KPNB1: variants seen among roughly 807,000 people sequenced by gnomAD.
KPNB1 encodes karyopherin subunit beta 1.
A neutral mutation model predicts 113.0 loss-of-function variants in KPNB1; 7 were observed. That is an observed-to-expected ratio of 0.06 (90% CI 0.04 to 0.12). KPNB1 has a LOEUF of 0.12. KPNB1 is among the 10% of genes least tolerant of loss of function. The pLI is 1.00. For synonymous variants in KPNB1, 363 were observed against 378.6 expected (o/e 0.96, Z 0.48); for missense variants, 400 against 1,054.8 (o/e 0.38, Z 8.60).
intron 17 of KPNB1, 149 bp from the exon 18 acceptor site, chr17:47,677,897 G>A: frequency 1.4e-6 from 1 of 715,088 alleles, no homozygotes; most frequent in Non-Finnish European, 2.3e-6. Flanking sequence ...TAGAGTTGGT[G>A]TGAGGTGCAA....
chr17:47,651,020 C>T lies in KPNB1; in HGVS notation c.99+576C>T, dbSNP rs538496292. ...TTTCCCTCTTTGCTCGGTTATTCCT[C>T]TCTTGGGGTTTTTTCTTTTTCTTTC... is the stretch of plus-strand genomic sequence containing the variant. On this transcript the variant is annotated intron_variant, in intron 2 of 21. Coordinates refer to ENST00000290158, the MANE Select transcript of KPNB1 (RefSeq NM_002265.6). Among the ~76,000 whole-genome samples the T allele has an allele frequency of 1.6e-4, 25 of 151,862 alleles. 1 individual carries two copies. In the South Asian group the frequency reaches 4.8e-3, roughly 29 times the overall value.
rs1442964872 is a variant in KPNB1 at position 47,652,694 on chromosome 17, C to T, written c.100C>T (p.Pro34Ser). The change falls in exon 3 of 22, where the codon CCC (proline) becomes TCC (serine). Residue 34 changes from proline to serine, a missense_variant and splice_region_variant. Pro to Ser is a moderately conservative substitution (Grantham distance 74, BLOSUM62 -1). Transcript: ENST00000290158. Reference protein sequence around the residue: ...FLERAAVENLPTFLVELSRVL... With the variant: ...FLERAAVENLSTFLVELSRVL... ...TTACAAATTTATCTTCCCTTAACAG[C>T]CCACTTTCCTTGTGGAACTGTCCAG... The T allele has an allele frequency of 6.4e-7, 1 of 1,565,278 alleles. No homozygotes were observed. Among genetic ancestry groups the T allele is most frequent in the Non-Finnish European group, 8.6e-7 (1 of 1,162,686 alleles).
At chr17:47,674,032 C>T (rs2030526015) in intron 14 of KPNB1, among the ~76,000 whole-genome samples, 1 of 152,118 alleles carries the variant, frequency 6.6e-6, no homozygotes, top group African/African-American at 2.4e-5. Flanking sequence ...AAGCCTAGCT[C>T]AGTCAGATTT....
Position 47,664,153 on chromosome 17 carries a change from C to G in KPNB1, c.787-6C>G, listed in dbSNP as rs777994762. On this transcript the variant is annotated splice_region_variant and splice_polypyrimidine_tract_variant and intron_variant, in intron 7 of 21. Transcript: ENST00000290158. ...ATTTGGGGCCTGGGGTGTTTTTCTT[C>G]TTAAGATCACAATCGAAGCAATGAA... 34 of 1,603,578 alleles carry G rather than the reference C, an allele frequency of 2.1e-5. 1 individual carries two copies. The South Asian group carries it at 3.4e-4, about 16-fold the overall frequency.
chr17:47,673,224 A>G lies in KPNB1; in HGVS notation c.1695+59A>G, dbSNP rs544244418. 406 of 1,514,702 alleles carry G rather than the reference A, an allele frequency of 2.7e-4. 2 individuals carry two copies. The African/African-American group carries it at 3.8e-3, about 14-fold the overall frequency. The allele number at this position is 1,514,702 out of a possible 1,614,324, so 93.8% of individuals were successfully genotyped here. On this transcript the variant is annotated intron_variant, in intron 13 of 21. Transcript: ENST00000290158. ...GAATTGGGTAGTACTTTTGACACCTAGGTCTGTTTTCCAGACTGTTCTGTC... is the reference window on the plus strand; with the variant it reads ...GAATTGGGTAGTACTTTTGACACCTGGGTCTGTTTTCCAGACTGTTCTGTC...
chr17:47,655,187 A>G (rs752968391), intron 3 of KPNB1, among the ~76,000 whole-genome samples: 5 of 152,204 alleles, frequency 3.3e-5, no homozygotes, highest in Non-Finnish European at 7.3e-5. Flanking sequence ...TGAGTGGACT[A>G]CTGATTCTTA....
chr17:47,666,482 A>G (rs1170926691), intron 9 of KPNB1, among the ~76,000 whole-genome samples: 1 of 144,498 alleles, frequency 6.9e-6, no homozygotes, highest in Non-Finnish European at 1.5e-5. Context: ...ATAATGTTAT[A>G]TATTATATAT....
chr17:47,677,345 G>A (rs1012465971), intron 17 of KPNB1, among the ~76,000 whole-genome samples: 15 of 151,838 alleles, frequency 9.9e-5, no homozygotes, highest in Admixed American at 7.9e-4. Context: ...GATGGCAGGC[G>A]CTTGTAATCC....
chr17:47,668,220 G>A lies in KPNB1; in HGVS notation c.1034G>A (p.Cys345Tyr). Residue 345 changes from cysteine (C) to tyrosine (Y), a missense_variant, in exon 10 of 22, where the codon TGC becomes TAC. Coordinates refer to ENST00000290158, the MANE Select transcript of KPNB1 (RefSeq NM_002265.6). ...ENDDDDDWNP[C>Y]KAAGVCLMLL... Reference sequence around the variant, plus strand: ...GATGATGACGATGACTGGAACCCCTGCAAAGCAGCAGGGGTGTGCCTCATG... The same window carrying A: ...GATGATGACGATGACTGGAACCCCTACAAAGCAGCAGGGGTGTGCCTCATG... 6.2e-7 allele frequency: 1 copy of A among 1,614,174 alleles called. No homozygotes were observed. The highest frequency in any genetic ancestry group is 8.5e-7 in the Non-Finnish European group (1 of 1,180,008).
At chr17:47,669,089 TTC>T (rs1337386337) in intron 10 of KPNB1, among the ~76,000 whole-genome samples, 2 of 126,766 alleles carry the variant, frequency 1.6e-5, no homozygotes, top group Non-Finnish European at 3.6e-5. Flanking sequence ...ATCTGAGTAA[TTC>T]TTTTTTTTTT....
intron 10 of KPNB1, 147 bp from the exon 11 acceptor site, chr17:47,669,531 T>C (rs2030389434): frequency 1.8e-6 from 1 of 560,018 alleles, no homozygotes; most frequent in Middle Eastern, 4.1e-4. Flanking sequence ...TTTTGAAAGA[T>C]GTTTCACACC....
rs369076256 is a variant in KPNB1, at chr17:47,663,985, C to CAA, written c.787-161_787-160dup. 5.3e-4 allele frequency among the ~76,000 whole-genome samples: 63 copies of CAA among 119,444 alleles called. No homozygotes were observed. In the East Asian group the frequency reaches 8.3e-3, roughly 16 times the overall value. The allele number at this position is 119,444 out of a possible 152,430, so 78.4% of individuals were successfully genotyped here. ...GTGTGACAGAGTGAGACCCCATCAC[C>CAA]AAAAAAAAAAAAAAGAAAAGAAAAT... is the stretch of plus-strand genomic sequence containing the variant. On this transcript the variant is annotated intron_variant, in intron 7 of 21. Coordinates refer to ENST00000290158, the MANE Select transcript of KPNB1 (RefSeq NM_002265.6).
chr17:47,675,317 T>A (rs2030562635), intron 15 of KPNB1, among the ~76,000 whole-genome samples: 1 of 151,294 alleles, frequency 6.6e-6, no homozygotes, highest in South Asian at 2.1e-4. Context: ...TGTCAGTCCA[T>A]TTAAATGGGG....
chr17:47,666,553 TTA>T (rs1174023288), intron 9 of KPNB1, among the ~76,000 whole-genome samples: 1 of 45,310 alleles, frequency 2.2e-5, no homozygotes, highest in African/African-American at 4.9e-5. Context: ...ATATTATATA[TTA>T]TGTTATATGT....
intron 15 of KPNB1, among the ~76,000 whole-genome samples, chr17:47,675,725 A>T (rs1346469529): frequency 6.6e-6 from 1 of 152,130 alleles, no homozygotes; most frequent in African/African-American, 2.4e-5. Context: ...GCCATATCTG[A>T]CTTAAGACTC....
intron 16 of KPNB1, 42 bp downstream of exon 16, chr17:47,676,533 T>C: frequency 7.0e-7 from 1 of 1,438,756 alleles, no homozygotes; most frequent in Non-Finnish European, 9.8e-7. Flanking sequence ...CATTTATATC[T>C]GACAGTCACT....
intron 21 of KPNB1, 87 bp from the exon 22 acceptor site, chr17:47,682,317 G>C: frequency 1.3e-6 from 1 of 774,142 alleles, no homozygotes; most frequent in Non-Finnish European, 2.4e-6. Flanking sequence ...TCAGGCCTAG[G>C]AGCATGTAAT....
chr17:47,664,662 C>G (rs985783256), intron 8 of KPNB1, among the ~76,000 whole-genome samples: 1 of 152,150 alleles, frequency 6.6e-6, no homozygotes, highest in Non-Finnish European at 1.5e-5. Flanking sequence ...ATGGGGAGTT[C>G]TGTACTTGGG....
chr17:47,654,038 G>C (rs1915652134), intron 3 of KPNB1, among the ~76,000 whole-genome samples: 1 of 152,096 alleles, frequency 6.6e-6, no homozygotes, highest in African/African-American at 2.4e-5. Context: ...TTACACACTA[G>C]TAAATGGGAT....
Sources: gnomAD v4.1 joint callset for allele counts (sites outside exome capture counted in the v4.1 genomes callset) on GRCh38, gnomAD v4.1.1 for gene constraint, MANE v1.5 for transcripts, NCBI Gene and HGNC (gene_info 2026-07-23, HGNC 2026-07-21) for gene names.